The following DPF3 variants were observed in gnomAD, a reference collection of about 807,000 sequenced individuals.
DPF3 encodes zinc finger protein DPF3.
In DPF3, 18 loss-of-function variants were observed where a neutral mutation model predicts 56.8. The ratio of observed to expected loss-of-function variants is 0.32; its 90% CI spans 0.22 to 0.47. The LOEUF is 0.47. DPF3 is among the 20% of genes least tolerant of loss of function. DPF3 has a pLI of 1.00. For synonymous variants in DPF3, 188 were observed against 180.2 expected, an observed-to-expected ratio of 1.04 and a Z score of -0.35; for missense variants, 403 against 488.8, an observed-to-expected ratio of 0.82 and a Z score of 1.65.
intron 1 of DPF3, among the ~76,000 whole-genome samples, chr14:72,804,143 T>C (rs1033161055): frequency 6.8e-6 from 1 of 146,678 alleles, no homozygotes; most frequent in African/African-American, 2.6e-5. Flanking sequence ...AAGAACAGAA[T>C]AGGAAAAATA....
At chr14:72,637,416 T>C (rs981379416) in intron 8 of DPF3, among the ~76,000 whole-genome samples, 9 of 152,232 alleles carry the variant, frequency 5.9e-5, no homozygotes, top group Non-Finnish European at 2.9e-5. Flanking sequence ...AAGCCCCTAA[T>C]TAGTCACTGC....
intron 1 of DPF3, among the ~76,000 whole-genome samples, chr14:72,854,435 C>CT (rs1470935761): frequency 3.9e-5 from 6 of 152,080 alleles, no homozygotes; most frequent in Non-Finnish European, 5.9e-5. Flanking sequence ...CCATCAACTT[C>CT]TTCAGTCATT....
chr14:72,718,524 T>A (rs1016499134), intron 5 of DPF3, among the ~76,000 whole-genome samples: 2 of 152,228 alleles, frequency 1.3e-5, no homozygotes, highest in South Asian at 2.1e-4. Flanking sequence ...CACGTGACGA[T>A]GCTGTCACTG....
intron 3 of DPF3, among the ~76,000 whole-genome samples, chr14:72,747,646 C>G (rs1035044039): frequency 5.3e-5 from 8 of 150,314 alleles, no homozygotes; most frequent in Non-Finnish European, 1.0e-4. Flanking sequence ...AAAAAAATAG[C>G]TAGGTGATAT....
chr14:72,862,309 C>CTG (rs1885471821), intron 1 of DPF3, among the ~76,000 whole-genome samples: 1 of 152,180 alleles, frequency 6.6e-6, no homozygotes, highest in African/African-American at 2.4e-5. Context: ...CCACACACAC[C>CTG]TGCTGCCCTC....
At chr14:72,702,122 A>G (rs1242375729) in intron 6 of DPF3, among the ~76,000 whole-genome samples, 1 of 152,110 alleles carries the variant, frequency 6.6e-6, no homozygotes, top group Admixed American at 6.5e-5. Context: ...CTGCCCTTGA[A>G]GCACGTGACT....
chr14:72,863,080 ATATATATATATATATATATATG>A (rs1376670279), intron 1 of DPF3, among the ~76,000 whole-genome samples: 2 of 18,318 alleles, frequency 1.1e-4, no homozygotes, highest in African/African-American at 8.6e-4. Context: ...ATATATATAT[ATATATATATATATATATATATG>A]TGTGTGTATA....
At chr14:72,720,613 TTC>T (rs1434082822) in intron 5 of DPF3, among the ~76,000 whole-genome samples, 1 of 152,240 alleles carries the variant, frequency 6.6e-6, no homozygotes, top group Non-Finnish European at 1.5e-5. Context: ...AATACGACTT[TTC>T]TTTCTCTTTT....
chr14:72,733,583 C>G (rs1889763509), intron 3 of DPF3, among the ~76,000 whole-genome samples: 1 of 152,216 alleles, frequency 6.6e-6, no homozygotes, highest in South Asian at 2.1e-4. Context: ...CCTCTCCATC[C>G]ATCCTCCATC....
intron 1 of DPF3, among the ~76,000 whole-genome samples, chr14:72,850,442 G>C (rs1884935024): frequency 2.0e-5 from 3 of 152,172 alleles, no homozygotes; most frequent in Admixed American, 2.0e-4. Context: ...CTGAGAAAAG[G>C]CAAAGAGAAA....
intron 1 of DPF3, among the ~76,000 whole-genome samples, chr14:72,838,905 A>ATATATATATATATATATTTATATAT: frequency 1.6e-5 from 1 of 64,480 alleles, no homozygotes; most frequent in African/African-American, 6.7e-5. Context: ...TATCATATAT[A>ATATATATATATATATATTTATATAT]TTCTTTTTTT....
intron 3 of DPF3, among the ~76,000 whole-genome samples, chr14:72,749,444 G>A (rs1890465426): frequency 6.6e-6 from 1 of 152,378 alleles, no homozygotes; most frequent in East Asian, 1.9e-4. Context: ...TGTCTTGGAT[G>A]AGACTTTGGA....
At chr14:72,835,929 T>C (rs1884273893) in intron 1 of DPF3, among the ~76,000 whole-genome samples, 1 of 152,042 alleles carries the variant, frequency 6.6e-6, no homozygotes, top group Non-Finnish European at 1.5e-5. Context: ...TCATCCCCCT[T>C]ATTTGACTCT....
Position 72,714,409 on chromosome 14 carries a change from C to G in DPF3, c.604+14G>C. On this transcript the variant is annotated intron_variant, in intron 6 of 10. Coordinates refer to ENST00000556509, the MANE Select transcript of DPF3 (RefSeq NM_001280542.3). ...GCACAGGGAGGAAGGAAGGTGGGAC[C>G]GGCCCATACTTACTGTCACAGACGT... is the stretch of plus-strand genomic sequence containing the variant. 1 of 1,613,050 alleles carries G rather than the reference C, an allele frequency of 6.2e-7. No individual in the cohort carries two copies. The highest frequency in any genetic ancestry group is 8.5e-7 in the Non-Finnish European group (1 of 1,179,256).
At chr14:72,672,046 C>CAA (rs1567195991) in intron 8 of DPF3, among the ~76,000 whole-genome samples, 1 of 118,232 alleles carries the variant, frequency 8.5e-6, no homozygotes, top group Non-Finnish European at 1.7e-5. Context: ...CACACACACA[C>CAA]ACACACACAC....
chr14:72,609,395 G>A lies in DPF3; in HGVS notation c.*9902C>T, dbSNP rs1883593504. 2.0e-5 allele frequency among the ~76,000 whole-genome samples: 3 copies of A among 152,128 alleles called. No homozygotes were observed. In the South Asian group the frequency reaches 6.2e-4, roughly 32 times the overall value. On this transcript the variant is annotated 3_prime_UTR_variant, in exon 11 of 11. Transcript: ENST00000556509. ...GGGTCAGGAGTCCACATCAGGTGTG[G>A]GCTGCTTCCAATCTGTAGGTTCTCC...
intron 8 of DPF3, among the ~76,000 whole-genome samples, chr14:72,663,331 C>T (rs1312361503): frequency 6.6e-6 from 1 of 152,068 alleles, no homozygotes; most frequent in Admixed American, 6.6e-5. Flanking sequence ...CACAGAAAAC[C>T]CCATCAGATG....
intron 8 of DPF3, among the ~76,000 whole-genome samples, chr14:72,656,850 C>A (rs932324336): frequency 2.6e-5 from 4 of 152,196 alleles, no homozygotes; most frequent in African/African-American, 9.7e-5. Flanking sequence ...GGAGTATCCA[C>A]TAACAATGGC....
At chr14:72,722,115 G>A (rs1889199348) in intron 5 of DPF3, among the ~76,000 whole-genome samples, 1 of 152,192 alleles carries the variant, frequency 6.6e-6, no homozygotes, top group East Asian at 1.9e-4. Flanking sequence ...AATGATATCT[G>A]TTAAAGACAC....
Sources: allele counts gnomAD v4.1 joint callset (sites outside exome capture counted in the v4.1 genomes callset), GRCh38; gene constraint gnomAD v4.1.1; transcripts MANE v1.5; gene names NCBI Gene and HGNC (gene_info 2026-07-23, HGNC 2026-07-21).